Variants in ZMIZ1 observed in about 807,000 individuals in gnomAD.
The protein encoded by ZMIZ1 is zinc finger MIZ-type containing 1.
A neutral mutation model predicts 113.9 loss-of-function variants in ZMIZ1; 17 were observed. The observed-to-expected ratio is 0.15, with a 90% CI of 0.10 to 0.22. The LOEUF is 0.22. Ranked by LOEUF, ZMIZ1 falls within the 10% of genes least tolerant of loss-of-function variation. The probability of loss-of-function intolerance (pLI) is 1.00; values close to 1 mark genes in which losing one functional copy is unlikely to be tolerated. For synonymous variants in ZMIZ1, 607 were observed against 603.1 expected (o/e 1.01, Z -0.09); for missense variants, 1,059 against 1,477.8 (o/e 0.72, Z 4.65).
chr10:79,160,299 A>T (rs1846059141), intron 3 of ZMIZ1, among the ~76,000 whole-genome samples: 1 of 152,152 alleles, frequency 6.6e-6, no homozygotes, highest in Admixed American at 6.5e-5. Context: ...GTTAGGATGT[A>T]GAGCCACTTC....
intron 7 of ZMIZ1, among the ~76,000 whole-genome samples, chr10:79,216,575 A>G (rs1252124031): frequency 6.6e-6 from 1 of 152,104 alleles, no homozygotes; most frequent in Non-Finnish European, 1.5e-5. Flanking sequence ...AGCTCACTCC[A>G]TCACCACGGT....
At chr10:79,250,785 A>C (rs533203598) in intron 7 of ZMIZ1, among the ~76,000 whole-genome samples, 1 of 152,118 alleles carries the variant, frequency 6.6e-6, no homozygotes. Context: ...CTTGGCTTTC[A>C]GGTGCCCAAA....
chr10:79,268,560 G>C (rs1427430682), intron 7 of ZMIZ1, among the ~76,000 whole-genome samples: 1 of 152,244 alleles, frequency 6.6e-6, no homozygotes, highest in Non-Finnish European at 1.5e-5. Context: ...TTAGTCATCT[G>C]TTGGCTGCAT....
At chr10:79,202,189 GAAA>G (rs58021590) in intron 5 of ZMIZ1, among the ~76,000 whole-genome samples, 1,575 of 52,390 alleles carry the variant, frequency 0.03, 10 homozygotes, top group African/African-American at 0.094. Context: ...CCCTGTCTCA[GAAA>G]AAAAAAAAAA....
At chr10:79,198,332 T>C (rs1403185784) in intron 4 of ZMIZ1, among the ~76,000 whole-genome samples, 1 of 152,158 alleles carries the variant, frequency 6.6e-6, no homozygotes, top group Non-Finnish European at 1.5e-5. Context: ...CTAAAGATGT[T>C]TGAGTGGATG....
chr10:79,183,394 A>G (rs1847213181), intron 4 of ZMIZ1, among the ~76,000 whole-genome samples: 2 of 151,794 alleles, frequency 1.3e-5, no homozygotes, highest in Middle Eastern at 3.4e-3. Flanking sequence ...GCACACACCC[A>G]TGTGTGCAGA....
chr10:79,270,781 T>C (rs1362692621), intron 7 of ZMIZ1, among the ~76,000 whole-genome samples: 1 of 152,154 alleles, frequency 6.6e-6, no homozygotes, highest in Non-Finnish European at 1.5e-5. Context: ...CTGGATCTTA[T>C]CTACTAAAAG....
chr10:79,304,276 C>G, intron 19 of ZMIZ1, 101 bp downstream of exon 19: 1 of 1,420,282 alleles, frequency 7.0e-7, no homozygotes, highest in Non-Finnish European at 9.5e-7. Context: ...CTAACACTGT[C>G]CTGAAGGACG....
chr10:79,278,133 C>T (rs1852423708), intron 8 of ZMIZ1, among the ~76,000 whole-genome samples: 3 of 152,252 alleles, frequency 2.0e-5, no homozygotes, highest in Non-Finnish European at 4.4e-5. Flanking sequence ...GTGTCAGCCA[C>T]GCTTTATAAA....
chr10:79,185,519 T>C (rs79332825), intron 4 of ZMIZ1, among the ~76,000 whole-genome samples: 5 of 151,528 alleles, frequency 3.3e-5, no homozygotes, highest in Admixed American at 6.6e-5. Context: ...TTTTTTTTTT[T>C]CCTTGTTCAG....
At chr10:79,188,272 C>T (rs141269266) in intron 4 of ZMIZ1, among the ~76,000 whole-genome samples, 5 of 152,322 alleles carry the variant, frequency 3.3e-5, no homozygotes, top group African/African-American at 9.6e-5. Context: ...TTCTGTGCCT[C>T]TGGCTGCAGT....
intron 23 of ZMIZ1, among the ~76,000 whole-genome samples, chr10:79,309,287 C>G (rs527443282): frequency 6.6e-6 from 1 of 152,198 alleles, no homozygotes; most frequent in Non-Finnish European, 1.5e-5. Flanking sequence ...CAGCCAGATA[C>G]GAAGCTGAGG....
At chr10:79,305,374 G>A in intron 20 of ZMIZ1, 143 bp downstream of exon 20, 1 of 1,216,720 alleles carries the variant, frequency 8.2e-7, no homozygotes, top group East Asian at 2.4e-5. Context: ...GGGGCTCCAG[G>A]TGGTCCCTTG....
At chr10:79,242,711 C>A (rs532227259) in intron 7 of ZMIZ1, among the ~76,000 whole-genome samples, 1 of 152,140 alleles carries the variant, frequency 6.6e-6, no homozygotes, top group Admixed American at 6.5e-5. Context: ...CGGCGGCCTC[C>A]TCGGGCGACA....
chr10:79,307,285 TA>T, intron 22 of ZMIZ1, 119 bp from the exon 23 acceptor site: 2 of 1,018,120 alleles, frequency 2.0e-6, no homozygotes, highest in Non-Finnish European at 2.9e-6. Flanking sequence ...TGCTGTGACC[TA>T]CTACAGCCTC....
chr10:79,303,945 C>G (rs1207894295), intron 18 of ZMIZ1, 70 bp from the exon 19 acceptor site: 10 of 1,586,850 alleles, frequency 6.3e-6, no homozygotes, highest in African/African-American at 2.7e-5. Flanking sequence ...AAGTGGGGAG[C>G]ACGTGCAGAC....
In ZMIZ1 at chr10:79,220,206, C is replaced by T. The variant is rs140692069; in HGVS notation, c.280+3932C>T. Among the ~76,000 whole-genome samples the T allele has an allele frequency of 1.2e-4, 18 of 152,290 alleles. No homozygotes were observed. In the East Asian group the frequency reaches 3.5e-3, roughly 29 times the overall value. ...TGAGGATGCAGTGGGACCCCCTAAT[C>T]ATGGGAGTGAGAAAGGGGCCCAGCT... On this transcript the variant is annotated intron_variant, in intron 7 of 24. Transcript: ENST00000334512.
In ZMIZ1 at chr10:79,313,905, A is replaced by G. The variant is rs777980921; in HGVS notation, c.*1156A>G. 2.6e-6 allele frequency: 1 copy of G among 390,468 alleles called. No individual in the cohort carries two copies. Among genetic ancestry groups the G allele is most frequent in the Non-Finnish European group, 5.2e-6 (1 of 193,970 alleles). The allele number at this position is 390,468 out of a possible 1,614,324, so 24.2% of individuals were successfully genotyped here. A position where few individuals can be genotyped will look rare whatever the true frequency, so the allele number is the denominator to read the frequency against. Reference sequence around the variant, plus strand: ...AGGTGCAGAAACCAGAGCCCAGGGCAATGGTGTCTGTCCAGCCCCTCCCTC... The same window carrying G: ...AGGTGCAGAAACCAGAGCCCAGGGCGATGGTGTCTGTCCAGCCCCTCCCTC... On this transcript the variant is annotated 3_prime_UTR_variant, in exon 25 of 25. Transcript: ENST00000334512.
At chr10:79,298,864 G>A (rs1363898335) in intron 15 of ZMIZ1, among the ~76,000 whole-genome samples, 186 bp from the exon 16 acceptor site, 3 of 152,194 alleles carry the variant, frequency 2.0e-5, no homozygotes, top group African/African-American at 7.2e-5. Flanking sequence ...GCTGGGGCGG[G>A]GCCGTGTAGA....
Sources: gnomAD v4.1 joint callset for allele counts (sites outside exome capture counted in the v4.1 genomes callset) on GRCh38, gnomAD v4.1.1 for gene constraint, MANE v1.5 for transcripts, NCBI Gene and HGNC (gene_info 2026-07-23, HGNC 2026-07-21) for gene names.